Variants in KCNU1 observed in about 807,000 individuals in gnomAD.
KCNU1 encodes potassium channel subfamily U member 1.
A neutral mutation model predicts 126.8 loss-of-function variants in KCNU1; 93 were observed. That is an observed-to-expected ratio of 0.73 (90% CI 0.62 to 0.87). KCNU1 has a LOEUF of 0.87. Ranked by LOEUF, KCNU1 falls within the 40% of genes least tolerant of loss-of-function variation. KCNU1 has a pLI of 0.00. For missense variants in KCNU1, 1,330 were observed against 1,367.1 expected (o/e 0.97, Z 0.43); for synonymous variants, 523 against 494.2 (o/e 1.06, Z -0.77).
chr8:36,903,860 T>G (rs1481614105), intron 19 of KCNU1, among the ~76,000 whole-genome samples: 1 of 152,022 alleles, frequency 6.6e-6, no homozygotes, highest in South Asian at 2.1e-4. Context: ...AAGTGCAAAG[T>G]GAATTGGGGG....
At chr8:36,868,801 T>G (rs979204596) in intron 19 of KCNU1, among the ~76,000 whole-genome samples, 2 of 152,172 alleles carry the variant, frequency 1.3e-5, no homozygotes, top group African/African-American at 4.8e-5. Flanking sequence ...GAATTTTATG[T>G]CCTTAAATCA....
rs559804365 is a variant in KCNU1 at position 36,832,175 on chromosome 8, A to G, written c.1107-1379A>G. 2.0e-5 allele frequency among the ~76,000 whole-genome samples: 3 copies of G among 152,296 alleles called. No homozygotes were observed. The East Asian group carries it at 5.8e-4, about 29-fold the overall frequency. On this transcript the variant is annotated intron_variant, in intron 10 of 26. Coordinates refer to ENST00000399881, the MANE Select transcript of KCNU1 (RefSeq NM_001031836.3). ...TTTGGTTACTGTAGCCTTGTAGTAT[A>G]GTTTGAAGTCAGGTAGTGTGATGCC...
At chr8:36,842,039 GC>G (rs1804977229) in intron 16 of KCNU1, among the ~76,000 whole-genome samples, 1 of 152,108 alleles carries the variant, frequency 6.6e-6, no homozygotes, top group Non-Finnish European at 1.5e-5. Context: ...CTGTGTGTTG[GC>G]TCATGTGTAC....
chr8:36,922,482 C>A lies in KCNU1; in HGVS notation c.2597-8C>A, dbSNP rs1353750322. The A allele has an allele frequency of 2.5e-6, 4 of 1,606,286 alleles. No homozygotes were observed. The Admixed American group carries it at 6.9e-5, about 28-fold the overall frequency. ...GCTTGTCTTTCCTTTTTGCCTCTTG[C>A]CTTGCAGAAAATCCTTCCAACATTC... On this transcript the variant is annotated splice_polypyrimidine_tract_variant and splice_region_variant and intron_variant, in intron 23 of 26. Transcript: ENST00000399881.
chr8:36,856,221 A>T (rs1182862990), intron 18 of KCNU1, among the ~76,000 whole-genome samples: 1 of 152,078 alleles, frequency 6.6e-6, no homozygotes, highest in Non-Finnish European at 1.5e-5. Context: ...ACATATTTAG[A>T]ATATTGGCTC....
chr8:36,840,462 G>A lies in KCNU1; in HGVS notation c.1519-1G>A, dbSNP rs368872679. ...TCGTGTGGCATGATTATGTATTCCAGGTTATGCCTAAACAGACCTGGAAGA... is the reference window on the plus strand; with the variant it reads ...TCGTGTGGCATGATTATGTATTCCAAGTTATGCCTAAACAGACCTGGAAGA... On this transcript the variant is annotated splice_acceptor_variant, in intron 14 of 26. Transcript: ENST00000399881. LOFTEE classifies it high-confidence loss of function. 1.8e-5 allele frequency: 27 copies of A among 1,509,632 alleles called. No homozygotes were observed. The highest frequency in any genetic ancestry group is 2.4e-5 in the Non-Finnish European group (26 of 1,087,376). 93.5% of individuals were successfully genotyped at this position (1,509,632 alleles called of 1,614,324 possible).
intron 26 of KCNU1, among the ~76,000 whole-genome samples, chr8:36,934,902 C>T (rs1022110398): frequency 1.3e-5 from 2 of 152,104 alleles, no homozygotes; most frequent in East Asian, 1.9e-4. Flanking sequence ...GGTTCATTAA[C>T]GTTCACTATT....
At chr8:36,819,894 T>A (rs1217662827) in intron 10 of KCNU1, among the ~76,000 whole-genome samples, 1 of 152,170 alleles carries the variant, frequency 6.6e-6, no homozygotes, top group South Asian at 2.1e-4. Context: ...GGCTGACCTG[T>A]GGCTTAATTT....
intron 19 of KCNU1, among the ~76,000 whole-genome samples, chr8:36,898,421 C>T (rs1208187727): frequency 1.3e-5 from 2 of 151,870 alleles, no homozygotes; most frequent in African/African-American, 2.4e-5. Flanking sequence ...CCTCCCAACC[C>T]ACTGCATAAG....
chr8:36,791,572 A>G (rs926279078), intron 2 of KCNU1, among the ~76,000 whole-genome samples: 1 of 152,136 alleles, frequency 6.6e-6, no homozygotes, highest in Non-Finnish European at 1.5e-5. Context: ...CTCTCTGTAG[A>G]TAAATTAAGC....
intron 2 of KCNU1, among the ~76,000 whole-genome samples, chr8:36,794,861 T>A (rs1279772252): frequency 1.3e-5 from 2 of 152,004 alleles, no homozygotes; most frequent in East Asian, 3.9e-4. Context: ...CCCAGGAGGC[T>A]GAGGCTGCAG....
chr8:36,845,902 A>G lies in KCNU1; in HGVS notation c.1891+3A>G. Reference sequence around the variant, plus strand: ...CAGAAGCCGGCAGCACATCACAGGTAATTGCACTTTATTTCTGGCTGTCCT... The same window carrying G: ...CAGAAGCCGGCAGCACATCACAGGTGATTGCACTTTATTTCTGGCTGTCCT... On this transcript the variant is annotated splice_donor_region_variant and intron_variant, in intron 18 of 26. Transcript: ENST00000399881. 2.6e-6 allele frequency: 4 copies of G among 1,568,426 alleles called. No homozygotes were observed. The South Asian group carries it at 3.4e-5, about 13-fold the overall frequency.
chr8:36,837,011 T>C (rs1289212935), intron 14 of KCNU1, 66 bp downstream of exon 14: 1 of 1,527,150 alleles, frequency 6.5e-7, no homozygotes, highest in Non-Finnish European at 9.0e-7. Context: ...AGATCAGAAA[T>C]AGGAAAAAAA....
At chr8:36,839,033 A>G (rs1218149778) in intron 14 of KCNU1, among the ~76,000 whole-genome samples, 1 of 152,138 alleles carries the variant, frequency 6.6e-6, no homozygotes, top group Non-Finnish European at 1.5e-5. Context: ...CAATTTCTCT[A>G]TCTATAAAAT....
chr8:36,790,329 A>G (rs182180430), intron 2 of KCNU1, among the ~76,000 whole-genome samples: 55 of 152,298 alleles, frequency 3.6e-4, no homozygotes, highest in Admixed American at 1.3e-3. Context: ...AAAATTAGTG[A>G]ACTAAGTATC....
At chr8:36,891,214 G>A (rs1422245417) in intron 19 of KCNU1, among the ~76,000 whole-genome samples, 1 of 151,136 alleles carries the variant, frequency 6.6e-6, no homozygotes, top group Non-Finnish European at 1.5e-5. Flanking sequence ...TATTTTATTA[G>A]TGGTTGCCTT....
intron 19 of KCNU1, among the ~76,000 whole-genome samples, chr8:36,877,506 T>C (rs1267641052): frequency 1.3e-5 from 2 of 152,098 alleles, no homozygotes; most frequent in East Asian, 1.9e-4. Flanking sequence ...TTTCACCATG[T>C]TGGCCAGGCT....
At chr8:36,878,208 G>A (rs1305115073) in intron 19 of KCNU1, among the ~76,000 whole-genome samples, 1 of 152,082 alleles carries the variant, frequency 6.6e-6, no homozygotes, top group Non-Finnish European at 1.5e-5. Flanking sequence ...GCAAGTAAGA[G>A]AAACCAATTA....
chr8:36,893,134 G>GT (rs776511807), intron 19 of KCNU1, among the ~76,000 whole-genome samples: 2,726 of 119,444 alleles, frequency 0.023, 39 homozygotes, highest in African/African-American at 0.049. Context: ...GCTACTTTTT[G>GT]TTTTTTTTTG....
Sources: gnomAD v4.1 joint callset for allele counts (sites outside exome capture counted in the v4.1 genomes callset) on GRCh38, gnomAD v4.1.1 for gene constraint, MANE v1.5 for transcripts, NCBI Gene and HGNC (gene_info 2026-07-23, HGNC 2026-07-21) for gene names.